Variants in CNTN5 observed in about 807,000 individuals in gnomAD.
CNTN5 encodes the protein contactin 5, also known as contactin-5.
A neutral mutation model predicts 129.1 loss-of-function variants in CNTN5; 77 were observed. The ratio of observed to expected loss-of-function variants is 0.60; its 90% CI spans 0.50 to 0.72. The LOEUF (loss-of-function observed/expected upper bound fraction) is 0.72, where lower values mean the gene tolerates loss of function less well. Among genes scored for constraint, CNTN5 ranks in the 30% least tolerant of loss-of-function variants. CNTN5 has a pLI of 0.00. For synonymous variants in CNTN5, 509 were observed against 465.6 expected, an observed-to-expected ratio of 1.09 and a Z score of -1.20; for missense variants, 1,478 against 1,328.8, an observed-to-expected ratio of 1.11 and a Z score of -1.75.
intron 1 of CNTN5, among the ~76,000 whole-genome samples, chr11:99,114,871 C>T (rs1792495662): frequency 1.3e-5 from 2 of 152,184 alleles, no homozygotes; most frequent in South Asian, 4.1e-4. Flanking sequence ...CTCCCTGAAA[C>T]GTATATGTTA....
At chr11:99,522,548 A>G (rs1235348995) in intron 2 of CNTN5, among the ~76,000 whole-genome samples, 2 of 152,194 alleles carry the variant, frequency 1.3e-5, no homozygotes, top group Non-Finnish European at 2.9e-5. Flanking sequence ...ACTTCTTGTA[A>G]TTCTCTATAG....
intron 3 of CNTN5, among the ~76,000 whole-genome samples, chr11:99,727,572 A>G (rs1030067725): frequency 6.7e-6 from 1 of 149,374 alleles, no homozygotes; most frequent in African/African-American, 2.5e-5. Context: ...CCCATTTCCA[A>G]GTAGAACTTA....
intron 16 of CNTN5, among the ~76,000 whole-genome samples, chr11:100,228,212 C>A (rs1047094787): frequency 6.6e-6 from 1 of 152,266 alleles, no homozygotes; most frequent in African/African-American, 2.4e-5. Context: ...TGGGAATAGT[C>A]AAAGAATAAT....
intron 9 of CNTN5, among the ~76,000 whole-genome samples, chr11:100,038,467 G>A (rs908795480): frequency 2.0e-5 from 3 of 152,200 alleles, no homozygotes; most frequent in Admixed American, 2.0e-4. Flanking sequence ...GGAGAGTTCT[G>A]TAAATGTCTG....
chr11:99,829,254 G>A (rs1418956857), intron 4 of CNTN5, among the ~76,000 whole-genome samples: 1 of 152,150 alleles, frequency 6.6e-6, no homozygotes, highest in Non-Finnish European at 1.5e-5. Flanking sequence ...CTATACATAT[G>A]TCCACATTTA....
At chr11:99,891,752 C>G (rs535640517) in intron 6 of CNTN5, among the ~76,000 whole-genome samples, 7 of 151,990 alleles carry the variant, frequency 4.6e-5, no homozygotes, top group African/African-American at 1.7e-4. Flanking sequence ...TGGGTTGGTT[C>G]GAAGTCTTTG....
intron 1 of CNTN5, among the ~76,000 whole-genome samples, chr11:99,169,142 G>A (rs560091343): frequency 2.2e-4 from 34 of 152,224 alleles, no homozygotes; most frequent in South Asian, 4.1e-4. Flanking sequence ...AAACATGGCC[G>A]TTGATACTAG....
At chr11:99,186,971 C>T (rs1420686654) in intron 1 of CNTN5, among the ~76,000 whole-genome samples, 1 of 151,768 alleles carries the variant, frequency 6.6e-6, no homozygotes, top group Non-Finnish European at 1.5e-5. Flanking sequence ...CAAACATTTC[C>T]TGTGAGTCAA....
chr11:99,443,056 A>G (rs1943902589), intron 2 of CNTN5, among the ~76,000 whole-genome samples: 1 of 152,256 alleles, frequency 6.6e-6, no homozygotes, highest in African/African-American at 2.4e-5. Context: ...AAAGTGATAA[A>G]ATAATTCACA....
chr11:99,044,700 T>A (rs1449265875), intron 1 of CNTN5, among the ~76,000 whole-genome samples: 1 of 152,132 alleles, frequency 6.6e-6, no homozygotes, highest in Non-Finnish European at 1.5e-5. Flanking sequence ...AAAATCCTTT[T>A]CCCGAGGGGT....
chr11:99,331,511 A>C (rs546775676), intron 2 of CNTN5, among the ~76,000 whole-genome samples: 75 of 152,264 alleles, frequency 4.9e-4, no homozygotes, highest in African/African-American at 1.8e-3. Context: ...GACAGAGGTG[A>C]CTATAGTGGA....
At chr11:99,774,354 T>C (rs1163015680) in intron 3 of CNTN5, among the ~76,000 whole-genome samples, 1 of 150,348 alleles carries the variant, frequency 6.7e-6, no homozygotes, top group Non-Finnish European at 1.5e-5. Context: ...GGGGGGTGGG[T>C]GTTAAATTTA....
chr11:99,779,114 T>C (rs2135378386), intron 3 of CNTN5, among the ~76,000 whole-genome samples: 1 of 151,984 alleles, frequency 6.6e-6, no homozygotes, highest in African/African-American at 2.4e-5. Context: ...CATTTTAATA[T>C]CATATTATGA....
At chr11:99,835,100 C>T (rs1369287609) in intron 4 of CNTN5, among the ~76,000 whole-genome samples, 8 of 152,194 alleles carry the variant, frequency 5.3e-5, no homozygotes, top group African/African-American at 1.9e-4. Context: ...TGTCCTTTAC[C>T]CAGATTATTG....
chr11:100,053,597 C>A (rs1943072546), intron 9 of CNTN5, among the ~76,000 whole-genome samples: 1 of 151,616 alleles, frequency 6.6e-6, no homozygotes, highest in Non-Finnish European at 1.5e-5. Context: ...TGTAGAACAA[C>A]TGGAAATTTC....
chr11:99,184,256 C>T (rs913684142), intron 1 of CNTN5, among the ~76,000 whole-genome samples: 1 of 152,036 alleles, frequency 6.6e-6, no homozygotes, highest in Non-Finnish European at 1.5e-5. Flanking sequence ...GGCATCTCCC[C>T]CACATACCTT....
intron 2 of CNTN5, among the ~76,000 whole-genome samples, chr11:99,339,754 C>A (rs552094404): frequency 1.1e-4 from 16 of 149,924 alleles, no homozygotes; most frequent in African/African-American, 3.4e-4. Flanking sequence ...CGCACTCCAG[C>A]CTGCGCTACA....
At chr11:99,337,534 C>T (rs1233389382) in intron 2 of CNTN5, among the ~76,000 whole-genome samples, 1 of 152,202 alleles carries the variant, frequency 6.6e-6, no homozygotes, top group Non-Finnish European at 1.5e-5. Context: ...CGTTTGTTTG[C>T]GGCTTAAGAA....
At chr11:99,930,970 T>G (rs1950179006) in intron 7 of CNTN5, among the ~76,000 whole-genome samples, 1 of 152,082 alleles carries the variant, frequency 6.6e-6, no homozygotes, top group African/African-American at 2.4e-5. Flanking sequence ...TCATGTCTGT[T>G]TTCCTTTGTG....
Sources: gnomAD v4.1 joint callset for allele counts (sites outside exome capture counted in the v4.1 genomes callset) on GRCh38, gnomAD v4.1.1 for gene constraint, MANE v1.5 for transcripts, NCBI Gene and HGNC (gene_info 2026-07-23, HGNC 2026-07-21) for gene names.